The following CDK10 variants were observed in gnomAD, a reference collection of about 807,000 sequenced individuals.
CDK10 encodes cyclin-dependent kinase 10.
CDK10 carries 55 observed loss-of-function variants against 51.0 expected under a neutral mutation model. The ratio of observed to expected loss-of-function variants is 1.08; its 90% CI spans 0.87 to 1.35. The LOEUF (loss-of-function observed/expected upper bound fraction) is 1.35, where lower values mean the gene tolerates loss of function less well. CDK10 is among the 40% of genes most tolerant of loss of function. CDK10 has a pLI of 0.00. For synonymous variants in CDK10, 255 were observed against 199.1 expected (o/e 1.28, Z -2.36); for missense variants, 589 against 485.1 (o/e 1.21, Z -2.01).
At chr16:89,691,952 A>G in intron 5 of CDK10, 65 bp downstream of exon 5, 1 of 1,379,124 alleles carries the variant, frequency 7.3e-7, no homozygotes. Context: ...GCACATTTAT[A>G]ACGAAACAGG....
rs180916106 is a variant in CDK10 at position 89,694,283 on chromosome 16, G to A, written c.668+51G>A. ...GGGGCCTCAGGAAGGGCTGGGACAG[G>A]AGCCGGGTCACCTGGTTCCTGAGCT... On this transcript the variant is annotated intron_variant, in intron 9 of 12. Transcript: ENST00000353379. The A allele has an allele frequency of 1.6e-5, 25 of 1,580,488 alleles. 1 individual carries two copies. The highest frequency in any genetic ancestry group is 6.7e-5 in the African/African-American group (5 of 74,174).
intron 12 of CDK10, 113 bp from the exon 13 acceptor site, chr16:89,695,482 G>A (rs2060679559): frequency 1.4e-6 from 2 of 1,462,262 alleles, no homozygotes; most frequent in African/African-American, 2.8e-5. Context: ...AGGGGCATGT[G>A]GAGGCACAGA....
Position 89,686,771 on chromosome 16 carries a change from T to A in CDK10, c.61T>A (p.Phe21Ile). The A allele has an allele frequency of 1.2e-6, 2 of 1,612,320 alleles. No homozygotes were observed. The highest frequency in any genetic ancestry group is 1.1e-5 in the South Asian group (1 of 90,960). ...IRLKCIRKEG[F>I]FTVPPEHRLG... ...TCTGAAGTGTATTCGTAAGGAGGGCTTCTTCACGGTGCCTCCGGAACACAG... is the reference window on the plus strand; with the variant it reads ...TCTGAAGTGTATTCGTAAGGAGGGCATCTTCACGGTGCCTCCGGAACACAG... The change falls in exon 1 of 13, where the codon TTC becomes ATC. Residue 21 changes from phenylalanine to isoleucine, a missense_variant. By Grantham distance (21) the Phe-to-Ile change is conservative. Transcript: ENST00000353379.
chr16:89,695,882 G>A lies in CDK10; in HGVS notation c.*190G>A. On this transcript the variant is annotated 3_prime_UTR_variant, in exon 13 of 13. Transcript: ENST00000353379. ...TGCTGCCCCCAGAAAAAGGCCGGGTGACACCGGGGGGCTCCCAGCCCGTGC... is the reference window on the plus strand; with the variant it reads ...TGCTGCCCCCAGAAAAAGGCCGGGTAACACCGGGGGGCTCCCAGCCCGTGC... The A allele has an allele frequency of 3.8e-6, 5 of 1,328,166 alleles. No homozygotes were observed. In the South Asian group the frequency reaches 6.4e-5, roughly 17 times the overall value. The allele number at this position is 1,328,166 out of a possible 1,614,324, so 82.3% of individuals were successfully genotyped here. A position where few individuals can be genotyped will look rare whatever the true frequency, so the allele number is the denominator to read the frequency against.
Position 89,693,426 on chromosome 16 carries a change from T to C in CDK10, c.567T>C (p.Gly189=), listed in dbSNP as rs757883423. The C allele has an allele frequency of 1.2e-6, 2 of 1,614,174 alleles. No homozygotes were observed. The highest frequency in any genetic ancestry group is 1.7e-6 in the Non-Finnish European group (2 of 1,180,024). The change falls in exon 8 of 13, where the codon GGT becomes GGC. Residue 189 remains glycine (G), a synonymous_variant. Transcript: ENST00000353379. ...ATTTCGGCCTGGCCCGGGCCTATGGTGTCCCAGTAAAGCCAATGACCCCCA... is the reference window on the plus strand; with the variant it reads ...ATTTCGGCCTGGCCCGGGCCTATGGCGTCCCAGTAAAGCCAATGACCCCCA... ...TADFGLARAY[G]VPVKPMTPKV...
rs1265101327 is a variant in CDK10 at position 89,691,848 on chromosome 16, C to A, written c.378C>A (p.Ser126Arg). Residue 126 changes from serine (S) to arginine (R), a missense_variant, in exon 5 of 13, where the codon AGC becomes AGA. Coordinates refer to ENST00000353379, the MANE Select transcript of CDK10 (RefSeq NM_052988.5). Reference protein sequence around the residue: ...VMGYCEQDLASLLENMPTPFS... With the variant: ...VMGYCEQDLARLLENMPTPFS... ...GTTACTGTGAGCAGGACCTGGCCAG[C>A]CTCCTGGAGAATATGCCAACACCCT... 1.9e-6 allele frequency: 3 copies of A among 1,614,014 alleles called. No individual in the cohort carries two copies. Among genetic ancestry groups the A allele is most frequent in the Admixed American group, 1.7e-5 (1 of 60,008 alleles).
At chr16:89,692,029 G>T (rs2060474363) in intron 5 of CDK10, 142 bp downstream of exon 5, 4 of 703,290 alleles carry the variant, frequency 5.7e-6, no homozygotes, top group African/African-American at 1.8e-5. Context: ...GCGAGCTTCA[G>T]TGAGGTGGAA....
intron 6 of CDK10, among the ~76,000 whole-genome samples, 198 bp from the exon 7 acceptor site, chr16:89,693,076 T>G (rs2060526530): frequency 6.7e-6 from 1 of 150,374 alleles, no homozygotes. Flanking sequence ...AGGCGGAGCT[T>G]GCAGTGAGCC....
chr16:89,695,260 A>G (rs770448947), intron 11 of CDK10, 33 bp from the exon 12 acceptor site: 1 of 1,593,342 alleles, frequency 6.3e-7, no homozygotes, highest in East Asian at 2.2e-5. Flanking sequence ...AGCCGCACTC[A>G]CAAGTCGCAC....
At chr16:89,694,043 G>T in intron 8 of CDK10, 130 bp from the exon 9 acceptor site, 1 of 855,676 alleles carries the variant, frequency 1.2e-6, no homozygotes. Context: ...TGCAGGGCCT[G>T]GGGCAGAGGG....
At chr16:89,693,078 C>T (rs1267854833) in intron 6 of CDK10, among the ~76,000 whole-genome samples, 196 bp from the exon 7 acceptor site, 3 of 150,404 alleles carry the variant, frequency 2.0e-5, no homozygotes, top group Admixed American at 6.6e-5. Context: ...GCGGAGCTTG[C>T]AGTGAGCCGG....
At chr16:89,692,063 G>T in intron 5 of CDK10, 176 bp downstream of exon 5, 1 of 630,248 alleles carries the variant, frequency 1.6e-6, no homozygotes. Flanking sequence ...GGCATCTGCT[G>T]GGAGCGGGCA....
At chr16:89,688,196 C>T (rs539184915) in intron 1 of CDK10, among the ~76,000 whole-genome samples, 36 of 151,352 alleles carry the variant, frequency 2.4e-4, no homozygotes, top group African/African-American at 8.7e-4. Flanking sequence ...ATCCTCCTGC[C>T]TCAGCCTCCC....
chr16:89,687,366 A>T, intron 1 of CDK10: 1 of 429,240 alleles, frequency 2.3e-6, no homozygotes, highest in Non-Finnish European at 4.8e-6. Context: ...AGAGCCCTGA[A>T]CTTTGGCCGC....
chr16:89,689,869 A>T (rs2060363681), intron 2 of CDK10: 1 of 154,430 alleles, frequency 6.5e-6, no homozygotes, highest in Non-Finnish European at 1.4e-5. Context: ...TTTTTGGTAG[A>T]GATGGGATCT....
In CDK10 at chr16:89,690,619, A is replaced by G; in HGVS notation, c.227A>G (p.Lys76Arg). ...ALKKVRMDKE[K>R]DGIPISSLRE... ...AAGAAGGTGCGGATGGACAAGGAGA[A>G]GGATGGTGAGCAGGAAATTGGGGTG... The change falls in exon 3 of 13, where the codon AAG becomes AGG. Residue 76 changes from lysine (K) to arginine (R), a missense_variant. Lys to Arg is a conservative substitution (Grantham distance 26). Transcript: ENST00000353379. 5 of 1,613,880 alleles carry G rather than the reference A, an allele frequency of 3.1e-6. No individual in the cohort carries two copies. Among genetic ancestry groups the G allele is most frequent in the Non-Finnish European group, 4.2e-6 (5 of 1,179,782 alleles).
Sources: gnomAD v4.1 joint callset for allele counts (sites outside exome capture counted in the v4.1 genomes callset) on GRCh38, gnomAD v4.1.1 for gene constraint, MANE v1.5 for transcripts, NCBI Gene and HGNC (gene_info 2026-07-23, HGNC 2026-07-21) for gene names.